SLC15A4: variants seen among roughly 807,000 people sequenced by gnomAD.
SLC15A4 encodes the protein solute carrier family 15 member 4, also known as hPHT1.
A neutral mutation model predicts 46.1 loss-of-function variants in SLC15A4; 26 were observed. The ratio of observed to expected loss-of-function variants is 0.56; its 90% CI spans 0.41 to 0.78. The LOEUF is 0.78. Among genes scored for constraint, SLC15A4 ranks in the 30% least tolerant of loss-of-function variants. SLC15A4 has a pLI of 0.00. For missense variants in SLC15A4, 751 were observed against 755.7 expected, an observed-to-expected ratio of 0.99 and a Z score of 0.07; for synonymous variants, 370 against 333.4, an observed-to-expected ratio of 1.11 and a Z score of -1.20.
intron 1 of SLC15A4, among the ~76,000 whole-genome samples, chr12:128,821,655 A>G (rs1281577881): frequency 6.6e-6 from 1 of 152,186 alleles, no homozygotes; most frequent in Non-Finnish European, 1.5e-5. Flanking sequence ...TGGGAGGCCG[A>G]GGCAGGCAGA....
At chr12:128,806,902 C>CATTT (rs569757195) in intron 5 of SLC15A4, among the ~76,000 whole-genome samples, 1 of 108,288 alleles carries the variant, frequency 9.2e-6, no homozygotes, top group African/African-American at 3.7e-5. Context: ...TTTGCTAGCG[C>CATTT]TTTTTTTTTT....
intron 1 of SLC15A4, 181 bp from the exon 2 acceptor site, chr12:128,815,251 T>A: frequency 1.7e-6 from 1 of 596,848 alleles, no homozygotes; most frequent in Non-Finnish European, 2.9e-6. Context: ...CCCACGCTTT[T>A]AATTACTACA....
chr12:128,820,668 G>A (rs899688793), intron 1 of SLC15A4, among the ~76,000 whole-genome samples: 6 of 148,800 alleles, frequency 4.0e-5, no homozygotes, highest in African/African-American at 9.9e-5. Context: ...CTAAGTAGTC[G>A]TGTAGACATG....
chr12:128,797,835 A>G (rs573932720), intron 7 of SLC15A4, among the ~76,000 whole-genome samples: 1 of 152,362 alleles, frequency 6.6e-6, no homozygotes, highest in African/African-American at 2.4e-5. Flanking sequence ...GCTGCTCGAC[A>G]GATGAGCTCC....
At chr12:128,806,973 G>A (rs535027669) in intron 5 of SLC15A4, among the ~76,000 whole-genome samples, 3 of 141,100 alleles carry the variant, frequency 2.1e-5, no homozygotes, top group South Asian at 2.3e-4. Flanking sequence ...GCGCGATCTC[G>A]GCTCACTGCA....
chr12:128,819,925 TCCCCTA>T (rs1955810967), intron 1 of SLC15A4: 1 of 152,244 alleles, frequency 6.6e-6, no homozygotes, highest in African/African-American at 2.4e-5. Flanking sequence ...CCAAACCAGC[TCCCCTA>T]GGCACCTGCT....
At chr12:128,804,506 C>T (rs1209424284) in intron 5 of SLC15A4, among the ~76,000 whole-genome samples, 2 of 152,122 alleles carry the variant, frequency 1.3e-5, no homozygotes, top group Admixed American at 1.3e-4. Flanking sequence ...CCAAGGTGGG[C>T]AGATCACAAG....
intron 5 of SLC15A4, chr12:128,801,237 C>A (rs1053101777): frequency 2.4e-6 from 1 of 415,160 alleles, no homozygotes; most frequent in African/African-American, 2.0e-5. Flanking sequence ...CGGCTTTTTA[C>A]AGCATCTTAT....
At chr12:128,821,010 ACCTC>A (rs1955828235) in intron 1 of SLC15A4, among the ~76,000 whole-genome samples, 1 of 151,546 alleles carries the variant, frequency 6.6e-6, no homozygotes, top group African/African-American at 2.4e-5. Flanking sequence ...CAAGCCTGGC[ACCTC>A]CCTCCCCTCT....
At chr12:128,812,633 T>A (rs2135716581) in intron 2 of SLC15A4, among the ~76,000 whole-genome samples, 1 of 152,296 alleles carries the variant, frequency 6.6e-6, no homozygotes, top group African/African-American at 2.4e-5. Flanking sequence ...CCACCTTTTT[T>A]AAGGCACCCT....
chr12:128,804,372 T>C (rs934112266), intron 5 of SLC15A4, among the ~76,000 whole-genome samples: 4 of 152,092 alleles, frequency 2.6e-5, no homozygotes, highest in African/African-American at 9.7e-5. Context: ...CTGACCAAAG[T>C]AGTAATAACA....
At chr12:128,795,439 C>T (rs924874250) in intron 7 of SLC15A4, among the ~76,000 whole-genome samples, 15 of 152,192 alleles carry the variant, frequency 9.9e-5, no homozygotes, top group African/African-American at 3.6e-4. Context: ...AGATCATGGG[C>T]CATGCAGCTC....
At chr12:128,819,873 T>C (rs1174790233) in intron 1 of SLC15A4, 1 of 152,280 alleles carries the variant, frequency 6.6e-6, no homozygotes, top group Non-Finnish European at 1.5e-5. Flanking sequence ...TCGCCTGTTA[T>C]ATCCTGGAGA....
rs372436878 is a variant in SLC15A4 at position 128,814,841 on chromosome 12, T to C, written c.776A>G (p.Asp259Gly). The C allele has an allele frequency of 4.0e-5, 64 of 1,614,104 alleles. No homozygotes were observed. Among genetic ancestry groups the C allele is most frequent in the Non-Finnish European group, 5.0e-5 (59 of 1,180,052 alleles). ...GGAATACGTCAGTATCTTGAACATG[T>C]CGGTGAAGGCACTGCCATCAGGAGG... Reference protein sequence around the residue: ...TKPPDGSAFTDMFKILTYSCC... With the variant: ...TKPPDGSAFTGMFKILTYSCC... Residue 259 changes from aspartate (D) to glycine (G), a missense_variant, in exon 2 of 8, where the codon GAC becomes GGC. By Grantham distance (94) the Asp-to-Gly change is moderately conservative (BLOSUM62 -1). Coordinates refer to ENST00000266771, the MANE Select transcript of SLC15A4 (RefSeq NM_145648.4).
At chr12:128,812,405 C>T (rs988781930) in intron 2 of SLC15A4, among the ~76,000 whole-genome samples, 7 of 152,028 alleles carry the variant, frequency 4.6e-5, no homozygotes, top group East Asian at 1.9e-4. Flanking sequence ...CTGCAAGCTC[C>T]GCCTCCCGGG....
At chr12:128,804,699 C>T (rs1459606685) in intron 5 of SLC15A4, among the ~76,000 whole-genome samples, 1 of 152,218 alleles carries the variant, frequency 6.6e-6, no homozygotes, top group Non-Finnish European at 1.5e-5. Flanking sequence ...CACTGCACTC[C>T]AGCCTGGGTG....
At chr12:128,822,092 C>T (rs1955851073) in intron 1 of SLC15A4, among the ~76,000 whole-genome samples, 1 of 152,170 alleles carries the variant, frequency 6.6e-6, no homozygotes. Flanking sequence ...AGCCTTCCAC[C>T]TCACTTCCCA....
chr12:128,801,273 C>T, intron 5 of SLC15A4: 1 of 314,166 alleles, frequency 3.2e-6, no homozygotes, highest in South Asian at 6.1e-5. Flanking sequence ...CAACATGTTT[C>T]ATTTAATCCT....
Position 128,799,310 on chromosome 12 carries a change from C to G in SLC15A4, c.1522G>C (p.Ala508Pro). ...CCGATGGCTTTGATAGACACCAGTGCCAGCAGTCCAGAACCCACGAACGAC... is the reference window on the plus strand; with the variant it reads ...CCGATGGCTTTGATAGACACCAGTGGCAGCAGTCCAGAACCCACGAACGAC... ...VGSFVGSGLL[A>P]LVSIKAIGWM... Residue 508 changes from alanine (A) to proline (P), a missense_variant, in exon 7 of 8, where the codon GCA becomes CCA. By Grantham distance (27) the Ala-to-Pro change is conservative. Coordinates refer to ENST00000266771, the MANE Select transcript of SLC15A4 (RefSeq NM_145648.4). 1 of 1,614,160 alleles carries G rather than the reference C, an allele frequency of 6.2e-7. No individual in the cohort carries two copies. The highest frequency in any genetic ancestry group is 2.2e-5 in the East Asian group (1 of 44,888).
Sources: allele counts gnomAD v4.1 joint callset (sites outside exome capture counted in the v4.1 genomes callset), GRCh38; gene constraint gnomAD v4.1.1; transcripts MANE v1.5; gene names NCBI Gene and HGNC (gene_info 2026-07-23, HGNC 2026-07-21).